VSTM2L: variants seen among roughly 807,000 people sequenced by gnomAD.
The protein encoded by VSTM2L is V-set and transmembrane domain-containing protein 2-like protein.
In VSTM2L, 9 loss-of-function variants were observed where a neutral mutation model predicts 19.9. The observed-to-expected ratio is 0.45, with a 90% CI of 0.27 to 0.79. The LOEUF (loss-of-function observed/expected upper bound fraction) is 0.79. VSTM2L is among the 30% of genes least tolerant of loss of function. VSTM2L has a pLI of 0.15. For synonymous variants in VSTM2L, 127 were observed against 133.8 expected (o/e 0.95, Z 0.35); for missense variants, 286 against 295.5 (o/e 0.97, Z 0.24).
intron 3 of VSTM2L, among the ~76,000 whole-genome samples, chr20:37,936,192 G>A (rs577794472): frequency 6.6e-6 from 1 of 152,014 alleles, no homozygotes; most frequent in Non-Finnish European, 1.5e-5. Context: ...CACCGCGCCT[G>A]GTTGGTGTGG....
Position 37,944,638 on chromosome 20 carries a change from CCCT to C in VSTM2L, c.*392_*394del. 1 of 1,022,512 alleles carries C rather than the reference CCCT, an allele frequency of 9.8e-7. No homozygotes were observed. The highest frequency in any genetic ancestry group is 1.7e-5 in the African/African-American group (1 of 58,924). 63.3% of individuals were successfully genotyped at this position (1,022,512 alleles called of 1,614,324 possible). A position where few individuals can be genotyped will look rare whatever the true frequency, so the allele number is the denominator to read the frequency against. ...GAGCCGGGGCCCCCCAGCCTCGCCT[CCCT>C]CCTCCTACCATCCCTCACTTGGACC... On this transcript the variant is annotated 3_prime_UTR_variant, in exon 4 of 4. Transcript: ENST00000373461.
chr20:37,918,403 C>T (rs6021858), intron 1 of VSTM2L, among the ~76,000 whole-genome samples: 85 of 152,202 alleles, frequency 5.6e-4, no homozygotes, highest in Non-Finnish European at 1.0e-3. Context: ...AACACCTAAC[C>T]TTCGCCAGTC....
intron 3 of VSTM2L, among the ~76,000 whole-genome samples, chr20:37,940,656 G>A (rs1034287369): frequency 2.0e-5 from 3 of 152,204 alleles, no homozygotes; most frequent in East Asian, 1.9e-4. Flanking sequence ...AGTGGATATC[G>A]TTATGTGTAT....
At chr20:37,904,138 T>C (rs941559870) in intron 1 of VSTM2L, among the ~76,000 whole-genome samples, 1 of 152,192 alleles carries the variant, frequency 6.6e-6, no homozygotes, top group Non-Finnish European at 1.5e-5. Context: ...TCTTGAGAAC[T>C]GGTCGCCTGG....
Position 37,918,935 on chromosome 20 carries a change from T to C in VSTM2L, c.122-12700T>C, listed in dbSNP as rs181572186. ...TGCATAACCCTGGGCAGCACTATGATTCATGGCCATATGAACAGTGCACAT... is the reference window on the plus strand; with the variant it reads ...TGCATAACCCTGGGCAGCACTATGACTCATGGCCATATGAACAGTGCACAT... On this transcript the variant is annotated intron_variant, in intron 1 of 3. Coordinates refer to ENST00000373461, the MANE Select transcript of VSTM2L (RefSeq NM_080607.3). 1.1e-4 allele frequency among the ~76,000 whole-genome samples: 17 copies of C among 152,330 alleles called. No individual in the cohort carries two copies. In the East Asian group the frequency reaches 3.3e-3, roughly 29 times the overall value.
At chr20:37,912,053 C>T (rs1444161093) in intron 1 of VSTM2L, among the ~76,000 whole-genome samples, 1 of 152,244 alleles carries the variant, frequency 6.6e-6, no homozygotes, top group Non-Finnish European at 1.5e-5. Context: ...ATCACTTCCC[C>T]TGCCTCCTCC....
At chr20:37,905,089 T>C (rs2072744082) in intron 1 of VSTM2L, among the ~76,000 whole-genome samples, 2 of 151,978 alleles carry the variant, frequency 1.3e-5, no homozygotes, top group Non-Finnish European at 2.9e-5. Flanking sequence ...CCAGGGTCTG[T>C]CAGGCAAAGA....
At chr20:37,939,754 T>C (rs376489205) in intron 3 of VSTM2L, among the ~76,000 whole-genome samples, 109 of 152,270 alleles carry the variant, frequency 7.2e-4, no homozygotes, top group African/African-American at 2.5e-3. Context: ...GCTGGCCCAT[T>C]GTGGTAGGCA....
At chr20:37,908,824 A>G (rs1306694448) in intron 1 of VSTM2L, among the ~76,000 whole-genome samples, 12 of 152,206 alleles carry the variant, frequency 7.9e-5, no homozygotes, top group African/African-American at 2.4e-5. Flanking sequence ...AATAGATAAA[A>G]ATAAAAAGAG....
intron 3 of VSTM2L, among the ~76,000 whole-genome samples, chr20:37,939,737 G>C (rs1226145094): frequency 6.6e-6 from 1 of 152,160 alleles, no homozygotes; most frequent in Non-Finnish European, 1.5e-5. Flanking sequence ...AGCATTACCA[G>C]GATCTGGCTG....
intron 2 of VSTM2L, 139 bp from the exon 3 acceptor site, chr20:37,933,400 C>A: frequency 1.5e-6 from 1 of 685,168 alleles, no homozygotes; most frequent in Non-Finnish European, 2.5e-6. Context: ...ACTCCATGGC[C>A]CCCGAGCCTC....
chr20:37,934,192 C>G (rs1049724389), intron 3 of VSTM2L, among the ~76,000 whole-genome samples: 14 of 152,226 alleles, frequency 9.2e-5, no homozygotes. Context: ...GGCTTCAGGG[C>G]TGAAGCTCTT....
intron 2 of VSTM2L, 109 bp downstream of exon 2, chr20:37,931,913 G>A: frequency 7.9e-7 from 1 of 1,257,960 alleles, no homozygotes; most frequent in Non-Finnish European, 1.1e-6. Context: ...CTCCAACGCT[G>A]TTCTCCACAC....
Position 37,943,911 on chromosome 20 carries a change from C to G in VSTM2L, c.343-70C>G, listed in dbSNP as rs543446037. ...CGTCCTAGCATGCGATCTTGGGACCCCCCCCCCCGACTCTTCTTCTCCCCC... is the reference window on the plus strand; with the variant it reads ...CGTCCTAGCATGCGATCTTGGGACCGCCCCCCCCGACTCTTCTTCTCCCCC... On this transcript the variant is annotated intron_variant, in intron 3 of 3. Transcript: ENST00000373461. The G allele has an allele frequency of 1.3e-5, 7 of 547,694 alleles. 1 individual carries two copies. The highest frequency in any genetic ancestry group is 7.6e-5 in the South Asian group (1 of 13,186). The allele number at this position is 547,694 out of a possible 1,614,324, so 33.9% of individuals were successfully genotyped here. A position where few individuals can be genotyped will look rare whatever the true frequency, so the allele number is the denominator to read the frequency against.
intron 3 of VSTM2L, among the ~76,000 whole-genome samples, chr20:37,935,201 A>C (rs1019090194): frequency 6.6e-6 from 1 of 152,214 alleles, no homozygotes; most frequent in Admixed American, 6.5e-5. Context: ...AAATGTGCTC[A>C]GCATGAATGT....
intron 1 of VSTM2L, among the ~76,000 whole-genome samples, chr20:37,906,782 C>T (rs910866982): frequency 6.6e-5 from 10 of 152,202 alleles, no homozygotes; most frequent in African/African-American, 2.4e-4. Flanking sequence ...TCTAGCTCCT[C>T]AGGGAACCAG....
At chr20:37,940,306 C>T (rs2072964766) in intron 3 of VSTM2L, among the ~76,000 whole-genome samples, 1 of 152,214 alleles carries the variant, frequency 6.6e-6, no homozygotes, top group Admixed American at 6.5e-5. Flanking sequence ...GGGGGCACCC[C>T]CACAGCCAGA....
At chr20:37,906,262 C>T (rs994061644) in intron 1 of VSTM2L, among the ~76,000 whole-genome samples, 1 of 152,172 alleles carries the variant, frequency 6.6e-6, no homozygotes, top group Non-Finnish European at 1.5e-5. Context: ...CTCCCTCCCA[C>T]CTCCACTCAA....
In VSTM2L at chr20:37,943,958, C is replaced by G. The variant is rs753573678; in HGVS notation, c.343-23C>G. 3 of 1,147,818 alleles carry G rather than the reference C, an allele frequency of 2.6e-6. No homozygotes were observed. In the South Asian group the frequency reaches 4.6e-5, roughly 18 times the overall value. 71.1% of individuals were successfully genotyped at this position (1,147,818 alleles called of 1,614,324 possible). A position where few individuals can be genotyped will look rare whatever the true frequency, so the allele number is the denominator to read the frequency against. ...CCCCACTGTCACTGGATGGACAGGT[C>G]ACGGTCTCTCTGTCACCCCCAGGTG... On this transcript the variant is annotated intron_variant, in intron 3 of 3. Coordinates refer to ENST00000373461, the MANE Select transcript of VSTM2L (RefSeq NM_080607.3).
Sources: allele counts gnomAD v4.1 joint callset (sites outside exome capture counted in the v4.1 genomes callset), GRCh38; gene constraint gnomAD v4.1.1; transcripts MANE v1.5; gene names NCBI Gene and HGNC (gene_info 2026-07-23, HGNC 2026-07-21).